Variants in TRMT11 observed in about 807,000 individuals in gnomAD.
TRMT11 encodes the protein tRNA (guanine(10)-N(2))-methyltransferase TRMT11.
TRMT11 carries 53 observed loss-of-function variants against 62.8 expected under a neutral mutation model. That is an observed-to-expected ratio of 0.84 (90% CI 0.68 to 1.06). TRMT11 has a LOEUF of 1.06. Ranked by LOEUF, TRMT11 falls within the 50% of genes least tolerant of loss-of-function variation. The pLI is 0.00. For synonymous variants in TRMT11, 188 were observed against 190.3 expected, an observed-to-expected ratio of 0.99 and a Z score of 0.10; for missense variants, 556 against 553.4, an observed-to-expected ratio of 1.00 and a Z score of -0.05.
chr6:126,178,892 T>G (rs950890907), intron 1 of TRMT11, among the ~76,000 whole-genome samples: 3 of 152,138 alleles, frequency 2.0e-5, no homozygotes, highest in African/African-American at 7.2e-5. Context: ...CAATTTCAAT[T>G]CTGCCCGAAA....
chr6:126,242,634 T>C, the TRMT11 span, among the ~76,000 whole-genome samples: 1 of 152,104 alleles, frequency 6.6e-6, no homozygotes, highest in Non-Finnish European at 1.5e-5. Context: ...ATGCCACACA[T>C]CTACAACTAT....
At chr6:126,044,918 G>A (rs1228287339) in intron 16 of TRMT11, among the ~76,000 whole-genome samples, 4 of 152,172 alleles carry the variant, frequency 2.6e-5, no homozygotes, top group Non-Finnish European at 4.4e-5. Flanking sequence ...AGGCACAGTG[G>A]CTCATGCCTG....
intron 1 of TRMT11, among the ~76,000 whole-genome samples, chr6:126,177,846 C>T (rs961475478): frequency 1.3e-5 from 2 of 152,038 alleles, no homozygotes; most frequent in Admixed American, 6.6e-5. Flanking sequence ...GGTATACAGC[C>T]TCTCTCAATG....
chr6:126,190,214 C>G (rs1778580782), intron 1 of TRMT11, among the ~76,000 whole-genome samples: 3 of 152,270 alleles, frequency 2.0e-5, no homozygotes, highest in African/African-American at 7.2e-5. Flanking sequence ...TTCCCCTTTT[C>G]CTTCTGATGT....
At chr6:126,155,249 A>C (rs2128225056) in intron 21 of TRMT11, among the ~76,000 whole-genome samples, 1 of 152,248 alleles carries the variant, frequency 6.6e-6, no homozygotes, top group African/African-American at 2.4e-5. Flanking sequence ...GAGGTGCCAC[A>C]CACTTTCAAA....
At chr6:126,238,348 A>C in the TRMT11 span, among the ~76,000 whole-genome samples, 1 of 152,044 alleles carries the variant, frequency 6.6e-6, no homozygotes, top group African/African-American at 2.4e-5. Flanking sequence ...GTGGGCATTT[A>C]GTGCTATAAA....
At chr6:126,258,228 C>T in the TRMT11 span, 322 of 638,082 alleles carry the variant, frequency 5.0e-4, no homozygotes, top group Admixed American at 2.3e-3. Flanking sequence ...GGGCCCTTAT[C>T]GTCTGTGCCG....
chr6:126,253,716 T>A, the TRMT11 span, among the ~76,000 whole-genome samples: 12 of 152,210 alleles, frequency 7.9e-5, no homozygotes, highest in African/African-American at 2.4e-4. Context: ...GGCACATGAC[T>A]ATAAACCAGT....
At chr6:126,106,991 A>G (rs1305694276) in intron 17 of TRMT11, among the ~76,000 whole-genome samples, 1 of 151,028 alleles carries the variant, frequency 6.6e-6, no homozygotes, top group Non-Finnish European at 1.5e-5. Context: ...TTATTGTCCT[A>G]TATACAATTT....
chr6:126,099,977 G>A (rs970688217), intron 17 of TRMT11, among the ~76,000 whole-genome samples: 1 of 152,100 alleles, frequency 6.6e-6, no homozygotes, highest in Non-Finnish European at 1.5e-5. Flanking sequence ...GCATGAGCCT[G>A]GCAGGTCTCA....
chr6:126,101,130 A>G (rs1412465263), intron 17 of TRMT11, among the ~76,000 whole-genome samples: 1 of 152,108 alleles, frequency 6.6e-6, no homozygotes, highest in African/African-American at 2.4e-5. Flanking sequence ...CTGGTTCCTA[A>G]CAGGCCAAGG....
At chr6:126,073,943 AG>A (rs1186817211) in intron 17 of TRMT11, among the ~76,000 whole-genome samples, 2 of 152,056 alleles carry the variant, frequency 1.3e-5, no homozygotes, top group African/African-American at 4.8e-5. Context: ...CGCCCAGCAA[AG>A]GGGGTAAAGC....
intron 17 of TRMT11, among the ~76,000 whole-genome samples, chr6:126,074,182 A>G (rs923303205): frequency 6.6e-6 from 1 of 152,180 alleles, no homozygotes. Flanking sequence ...CTCCTTAACA[A>G]ATAATTTAAT....
At chr6:126,046,268 A>G (rs148467929) in intron 16 of TRMT11, among the ~76,000 whole-genome samples, 52 of 152,320 alleles carry the variant, frequency 3.4e-4, no homozygotes, top group African/African-American at 1.2e-3. Flanking sequence ...CTAGAGTCAG[A>G]CAAAGGACAC....
intron 16 of TRMT11, among the ~76,000 whole-genome samples, chr6:126,048,130 G>A (rs1188414509): frequency 6.6e-6 from 1 of 152,124 alleles, no homozygotes; most frequent in Non-Finnish European, 1.5e-5. Flanking sequence ...TTACATATAG[G>A]GGCTTTAAAA....
chr6:126,092,297 A>C (rs796750429), intron 17 of TRMT11, among the ~76,000 whole-genome samples: 47 of 150,256 alleles, frequency 3.1e-4, no homozygotes, highest in African/African-American at 1.2e-3. Flanking sequence ...AAAGATGTTT[A>C]ATGGACTCAC....
At chr6:126,148,477 T>A (rs1157832103) in intron 21 of TRMT11, among the ~76,000 whole-genome samples, 2 of 152,170 alleles carry the variant, frequency 1.3e-5, no homozygotes, top group African/African-American at 4.8e-5. Flanking sequence ...TTAGAAGGAT[T>A]TTAAGCAAGG....
the TRMT11 span, among the ~76,000 whole-genome samples, chr6:126,215,868 A>G: frequency 9.9e-5 from 15 of 152,052 alleles, no homozygotes; most frequent in Non-Finnish European, 2.2e-4. Flanking sequence ...AAGAATACAA[A>G]CTGTGCAATT....
chr6:126,236,190 T>A, the TRMT11 span, among the ~76,000 whole-genome samples: 1 of 152,342 alleles, frequency 6.6e-6, no homozygotes, highest in African/African-American at 2.4e-5. Context: ...GCACATAGAA[T>A]GGAAAGACAA....
Sources: allele counts gnomAD v4.1 joint callset (sites outside exome capture counted in the v4.1 genomes callset), GRCh38; gene constraint gnomAD v4.1.1; transcripts MANE v1.5; gene names NCBI Gene and HGNC (gene_info 2026-07-23, HGNC 2026-07-21).